RYR2: variants seen among roughly 807,000 people sequenced by gnomAD.
RYR2 encodes the protein ryanodine receptor 2, also known as cardiac muscle ryanodine receptor-calcium release channel.
RYR2 carries 227 observed loss-of-function variants against 601.1 expected under a neutral mutation model. That is an observed-to-expected ratio of 0.38 (90% CI 0.34 to 0.42). The LOEUF (loss-of-function observed/expected upper bound fraction) is 0.42. Ranked by LOEUF, RYR2 falls within the 10% of genes least tolerant of loss-of-function variation. The pLI is 1.00. For missense variants in RYR2, 4,646 were observed against 6,156.5 expected, an observed-to-expected ratio of 0.75 and a Z score of 8.21; for synonymous variants, 2,223 against 2,175.1, an observed-to-expected ratio of 1.02 and a Z score of -0.61.
At chr1:237,537,623 G>C (rs1194081402) in intron 25 of RYR2, among the ~76,000 whole-genome samples, 1 of 151,906 alleles carries the variant, frequency 6.6e-6, no homozygotes, top group African/African-American at 2.4e-5. Flanking sequence ...CCTAAATATA[G>C]TTTTTATAGA....
chr1:237,650,248 T>C (rs1682589752), intron 50 of RYR2, among the ~76,000 whole-genome samples, 151 bp downstream of exon 50: 1 of 152,218 alleles, frequency 6.6e-6, no homozygotes, highest in African/African-American at 2.4e-5. Flanking sequence ...GGTATGAGTC[T>C]TCTCTGATCG....
At chr1:237,825,427 T>C (rs1011256383) in intron 101 of RYR2, among the ~76,000 whole-genome samples, 2 of 152,202 alleles carry the variant, frequency 1.3e-5, no homozygotes, top group Non-Finnish European at 2.9e-5. Context: ...AGATTCCCTA[T>C]TTAATAAATT....
chr1:237,576,099 T>C (rs1056206279), intron 29 of RYR2, among the ~76,000 whole-genome samples: 7 of 152,182 alleles, frequency 4.6e-5, no homozygotes, highest in African/African-American at 1.7e-4. Context: ...TTGACTTTAT[T>C]AAAAGACTTA....
chr1:237,148,525 AAAATATATATAT>A (rs1674290230), intron 1 of RYR2, among the ~76,000 whole-genome samples: 1 of 81,534 alleles, frequency 1.2e-5, no homozygotes, highest in African/African-American at 4.7e-5. Flanking sequence ...TAAAAAAAAA[AAAATATATATAT>A]ATATATATAT....
chr1:237,786,493 C>T (rs1657593971), intron 91 of RYR2, among the ~76,000 whole-genome samples: 1 of 152,212 alleles, frequency 6.6e-6, no homozygotes, highest in Non-Finnish European at 1.5e-5. Context: ...GCATAAAAGT[C>T]CCCGGGAGAG....
At chr1:237,107,325 T>C (rs1217743220) in intron 1 of RYR2, among the ~76,000 whole-genome samples, 1 of 151,038 alleles carries the variant, frequency 6.6e-6, no homozygotes, top group Non-Finnish European at 1.5e-5. Context: ...ATCGAGACCA[T>C]CCTGGCTAAC....
chr1:237,724,206 TATATATATATATG>T (rs1690007871), intron 74 of RYR2, among the ~76,000 whole-genome samples: 1 of 148,034 alleles, frequency 6.8e-6, no homozygotes, highest in Non-Finnish European at 1.5e-5. Context: ...TATATATATA[TATATATATATATG>T]TATGTGTGAT....
At chr1:237,656,170 TAGATA>T (rs1218089630) in intron 53 of RYR2, among the ~76,000 whole-genome samples, 186 bp downstream of exon 53, 4 of 152,088 alleles carry the variant, frequency 2.6e-5, no homozygotes, top group Admixed American at 1.3e-4. Context: ...ATATCAGAAA[TAGATA>T]AGATGTACCT....
chr1:237,169,389 C>G (rs1252255743), intron 1 of RYR2, among the ~76,000 whole-genome samples: 1 of 151,918 alleles, frequency 6.6e-6, no homozygotes, highest in Non-Finnish European at 1.5e-5. Context: ...ACCTCCACCT[C>G]CCAGGTTCAA....
At chr1:237,181,403 TTGG>T (rs1678744264) in intron 1 of RYR2, among the ~76,000 whole-genome samples, 1 of 152,162 alleles carries the variant, frequency 6.6e-6, no homozygotes, top group Admixed American at 6.5e-5. Context: ...GGTCAACCTG[TTGG>T]TGAGTGGCGG....
At chr1:237,399,654 C>T (rs147282057) in intron 10 of RYR2, among the ~76,000 whole-genome samples, 195 of 152,270 alleles carry the variant, frequency 1.3e-3, no homozygotes, top group African/African-American at 3.7e-3. Flanking sequence ...TTATCCTTAA[C>T]GCAGCCCCTA....
intron 6 of RYR2, among the ~76,000 whole-genome samples, chr1:237,372,091 G>A (rs1700689021): frequency 6.6e-6 from 1 of 151,948 alleles, no homozygotes. Flanking sequence ...TCCAACAAGG[G>A]CACACAAATT....
At chr1:237,164,793 C>CAT (rs893679512) in intron 1 of RYR2, among the ~76,000 whole-genome samples, 1 of 152,090 alleles carries the variant, frequency 6.6e-6, no homozygotes, top group African/African-American at 2.4e-5. Flanking sequence ...GTTGATTTTG[C>CAT]ATATCTTTAT....
At chr1:237,104,150 T>C (rs1668420983) in intron 1 of RYR2, among the ~76,000 whole-genome samples, 1 of 152,120 alleles carries the variant, frequency 6.6e-6, no homozygotes, top group Non-Finnish European at 1.5e-5. Context: ...GTTTTGTAGG[T>C]AGAACCTGGA....
intron 12 of RYR2, among the ~76,000 whole-genome samples, chr1:237,423,564 T>C (rs1705804757): frequency 6.6e-6 from 1 of 152,084 alleles, no homozygotes; most frequent in African/African-American, 2.4e-5. Context: ...AACATGAAAA[T>C]ACCTATTATA....
chr1:237,175,397 A>AT (rs1051820626), intron 1 of RYR2, among the ~76,000 whole-genome samples: 10 of 151,344 alleles, frequency 6.6e-5, no homozygotes, highest in Admixed American at 1.3e-4. Flanking sequence ...GTGTTTCCAG[A>AT]TTTTTTTTTC....
chr1:237,791,236 T>A (rs1221457097), intron 92 of RYR2, among the ~76,000 whole-genome samples, 193 bp from the exon 93 acceptor site: 1 of 152,232 alleles, frequency 6.6e-6, no homozygotes, highest in East Asian at 1.9e-4. Flanking sequence ...GTATGCTTTT[T>A]TATTCTTTGT....
At chr1:237,648,744 T>C in intron 49 of RYR2, 131 bp downstream of exon 49, 1 of 1,083,524 alleles carries the variant, frequency 9.2e-7, no homozygotes, top group Admixed American at 2.9e-5. Flanking sequence ...TATTTTCAGG[T>C]AAGCCATGGG....
intron 10 of RYR2, among the ~76,000 whole-genome samples, chr1:237,398,502 A>T (rs1703060388): frequency 6.6e-6 from 1 of 152,238 alleles, no homozygotes; most frequent in Non-Finnish European, 1.5e-5. Context: ...AGCACATAGA[A>T]ATATGTTCAG....
Sources: allele counts gnomAD v4.1 joint callset (sites outside exome capture counted in the v4.1 genomes callset), GRCh38; gene constraint gnomAD v4.1.1; transcripts MANE v1.5; gene names NCBI Gene and HGNC (gene_info 2026-07-23, HGNC 2026-07-21).